The following DPP10 variants were observed in gnomAD, a reference collection of about 807,000 sequenced individuals.
DPP10 encodes the protein dipeptidyl peptidase like 10, also known as inactive dipeptidyl peptidase 10.
In DPP10, 33 loss-of-function variants were observed where a neutral mutation model predicts 120.9. The ratio of observed to expected loss-of-function variants is 0.27; its 90% CI spans 0.21 to 0.37. DPP10 has a LOEUF of 0.37. DPP10 is among the 10% of genes least tolerant of loss of function. DPP10 has a pLI of 1.00. For missense variants in DPP10, 816 were observed against 942.8 expected (o/e 0.87, Z 1.76); for synonymous variants, 337 against 326.1 (o/e 1.03, Z -0.36).
chr2:114,502,089 C>T (rs561620288), intron 1 of DPP10, among the ~76,000 whole-genome samples: 1 of 151,950 alleles, frequency 6.6e-6, no homozygotes, highest in Admixed American at 6.5e-5. Flanking sequence ...GCACGCACCA[C>T]CACGCTCAGC....
chr2:114,586,367 A>C (rs1690980372), intron 1 of DPP10, among the ~76,000 whole-genome samples: 1 of 152,206 alleles, frequency 6.6e-6, no homozygotes, highest in Non-Finnish European at 1.5e-5. Flanking sequence ...TGGGAGACAT[A>C]TGATTAACAG....
At chr2:114,961,112 C>T (rs1035421767) in intron 1 of DPP10, among the ~76,000 whole-genome samples, 1 of 118,928 alleles carries the variant, frequency 8.4e-6, no homozygotes, top group Admixed American at 1.2e-4. Context: ...AGTGCAATGG[C>T]GTGATCTCAG....
chr2:114,551,230 G>A (rs1007102788), intron 1 of DPP10, among the ~76,000 whole-genome samples: 5 of 151,892 alleles, frequency 3.3e-5, no homozygotes, highest in African/African-American at 1.2e-4. Context: ...TGTGTAGCTC[G>A]CTTTGGTCTC....
intron 1 of DPP10, among the ~76,000 whole-genome samples, chr2:114,506,418 G>A (rs1056937934): frequency 2.6e-5 from 4 of 152,246 alleles, no homozygotes; most frequent in Admixed American, 1.3e-4. Flanking sequence ...TCTCCAATTT[G>A]TTCCTGTGAC....
chr2:115,276,076 C>T (rs933622958), intron 1 of DPP10, among the ~76,000 whole-genome samples: 1 of 152,164 alleles, frequency 6.6e-6, no homozygotes. Flanking sequence ...TACATGCCCA[C>T]CCTTTCTTTT....
At chr2:114,634,881 G>A (rs1695197743) in intron 1 of DPP10, among the ~76,000 whole-genome samples, 1 of 151,738 alleles carries the variant, frequency 6.6e-6, no homozygotes, top group African/African-American at 2.4e-5. Flanking sequence ...TATTTAGTAA[G>A]ATTAAAATTT....
intron 1 of DPP10, among the ~76,000 whole-genome samples, chr2:114,489,231 C>A (rs1047901347): frequency 6.6e-6 from 1 of 152,152 alleles, no homozygotes; most frequent in East Asian, 1.9e-4. Context: ...TATTCATCCC[C>A]TTCTTCTCTC....
At position 114,510,470 on chromosome 2, in the gene DPP10, T is replaced by A. The variant is rs562444840; in HGVS notation, c.60+67632T>A. ...AATACAAAAATTAGCTGGGCATGGT[T>A]GTGTGTGCCAGTAATCCCAGCTACT... On this transcript the variant is annotated intron_variant, in intron 1 of 25. Transcript: ENST00000410059. Among the ~76,000 whole-genome samples, 52 of 152,030 alleles carry A rather than the reference T, an allele frequency of 3.4e-4. 1 individual carries two copies. Among genetic ancestry groups the A allele is most frequent in the Non-Finnish European group, 1.5e-4 (10 of 67,946 alleles).
At chr2:115,211,375 A>T (rs1274673050) in intron 1 of DPP10, among the ~76,000 whole-genome samples, 1 of 152,170 alleles carries the variant, frequency 6.6e-6, no homozygotes, top group Non-Finnish European at 1.5e-5. Context: ...CATGGAAGTC[A>T]TTTAGCATAG....
intron 5 of DPP10, among the ~76,000 whole-genome samples, chr2:115,653,035 G>A (rs2087945259): frequency 6.6e-6 from 1 of 150,908 alleles, no homozygotes; most frequent in African/African-American, 2.4e-5. Flanking sequence ...GAGACACAGG[G>A]GGAAAGCACA....
At chr2:115,624,567 A>G (rs577176925) in intron 5 of DPP10, among the ~76,000 whole-genome samples, 9 of 152,350 alleles carry the variant, frequency 5.9e-5, no homozygotes, top group South Asian at 2.1e-4. Flanking sequence ...CCACTTTGCT[A>G]TTCAGTTCCT....
chr2:115,017,457 G>C (rs961540514), intron 1 of DPP10, among the ~76,000 whole-genome samples: 2 of 152,046 alleles, frequency 1.3e-5, no homozygotes, highest in African/African-American at 4.8e-5. Flanking sequence ...ATTCCTCAGG[G>C]ATCTAGAACT....
chr2:114,887,753 A>G (rs977994930), intron 1 of DPP10, among the ~76,000 whole-genome samples: 1 of 152,206 alleles, frequency 6.6e-6, no homozygotes, highest in Non-Finnish European at 1.5e-5. Flanking sequence ...TGTTAGTGAA[A>G]GGTGGGTTTG....
intron 1 of DPP10, among the ~76,000 whole-genome samples, chr2:114,966,806 C>T (rs541042113): frequency 7.9e-5 from 12 of 152,188 alleles, no homozygotes; most frequent in Non-Finnish European, 1.0e-4. Context: ...CTTTGGGAGG[C>T]CATGGCAGGT....
At chr2:114,917,186 G>A (rs1316689386) in intron 1 of DPP10, among the ~76,000 whole-genome samples, 1 of 152,052 alleles carries the variant, frequency 6.6e-6, no homozygotes, top group African/African-American at 2.4e-5. Flanking sequence ...TGTCCAAGCT[G>A]ACAGCCAAAT....
At chr2:115,328,511 T>G (rs2062498571) in intron 2 of DPP10, among the ~76,000 whole-genome samples, 1 of 152,068 alleles carries the variant, frequency 6.6e-6, no homozygotes, top group Non-Finnish European at 1.5e-5. Context: ...GATGAGCACT[T>G]TGAGTCACTG....
At chr2:114,637,205 A>G (rs140072451) in intron 1 of DPP10, among the ~76,000 whole-genome samples, 9 of 152,102 alleles carry the variant, frequency 5.9e-5, no homozygotes, top group South Asian at 2.1e-4. Context: ...ACGTTAACAC[A>G]GTATAATATA....
At chr2:114,486,712 A>C (rs184506794) in intron 1 of DPP10, among the ~76,000 whole-genome samples, 1 of 152,256 alleles carries the variant, frequency 6.6e-6, no homozygotes, top group African/African-American at 2.4e-5. Context: ...GTGAAACTAT[A>C]ATGTTGAAAA....
At chr2:115,052,031 T>G (rs1705527742) in intron 1 of DPP10, among the ~76,000 whole-genome samples, 1 of 152,178 alleles carries the variant, frequency 6.6e-6, no homozygotes, top group Admixed American at 6.5e-5. Context: ...ATCCTAGTAC[T>G]TATGTTCAAT....
Sources: allele counts gnomAD v4.1 joint callset (sites outside exome capture counted in the v4.1 genomes callset), GRCh38; gene constraint gnomAD v4.1.1; transcripts MANE v1.5; gene names NCBI Gene and HGNC (gene_info 2026-07-23, HGNC 2026-07-21).